Variants in FCN2 observed in about 807,000 individuals in gnomAD.
FCN2 encodes ficolin 2.
FCN2 carries 31 observed loss-of-function variants against 32.5 expected under a neutral mutation model. That is an observed-to-expected ratio of 0.96 (90% confidence interval 0.72 to 1.29). FCN2 has a LOEUF of 1.29. Among genes scored for constraint, FCN2 ranks in the 50% most tolerant of loss-of-function variants. FCN2 has a pLI of 0.00. For missense variants in FCN2, 412 were observed against 406.5 expected, an observed-to-expected ratio of 1.01 and a Z score of -0.12; for synonymous variants, 181 against 164.5, an observed-to-expected ratio of 1.10 and a Z score of -0.77.
Position 134,885,844 on chromosome 9 carries a change from G to A in FCN2, c.506G>A (p.Arg169Gln), listed in dbSNP as rs770609537. ...ACGTACAAGCAGGGCTTCGGCAGTC[G>A]GCTGGGGGAGTTCTGGCTGGGGAAT... The part of the protein sequence containing the change: ...WATYKQGFGS[R>Q]LGEFWLGNDN... Residue 169 changes from arginine to glutamine, a missense_variant, in exon 6 of 8, where the codon CGG becomes CAG. By Grantham distance (43) the Arg-to-Gln change is conservative. Transcript: ENST00000291744. 127 of 1,613,754 alleles carry A rather than the reference G, an allele frequency of 7.9e-5. No homozygotes were observed. Among genetic ancestry groups the A allele is most frequent in the Non-Finnish European group, 1.0e-4 (119 of 1,179,946 alleles).
the FCN2 span, chr9:134,868,259 C>T: frequency 6.6e-6 from 1 of 152,428 alleles, no homozygotes; most frequent in Non-Finnish European, 1.5e-5. The surrounding 1 kb of genome is among the most constrained non-coding windows in gnomAD (Gnocchi z 4.3). Context: ...ACAACTACCC[C>T]TTCTCCACCG....
chr9:134,887,303 G>A lies in FCN2; in HGVS notation c.830G>A (p.Gly277Asp), dbSNP rs755432063. The change falls in exon 8 of 8, where the codon GGT becomes GAT. Residue 277 changes from glycine (G) to aspartate (D), a missense_variant. Coordinates refer to ENST00000291744, the MANE Select transcript of FCN2 (RefSeq NM_004108.3). The stretch of plus-strand genomic sequence containing the variant: ...AACTGCCATGTGTCAAACCTGAATG[G>A]TCGCTACCTCAGGGGGACTCATGGC... ...YKNCHVSNLN[G>D]RYLRGTHGSF... 2 of 1,614,182 alleles carry A rather than the reference G, an allele frequency of 1.2e-6. No homozygotes were observed. The highest frequency in any genetic ancestry group is 1.7e-6 in the Non-Finnish European group (2 of 1,180,034).
chr9:134,873,543 G>A, the FCN2 span, among the ~76,000 whole-genome samples: 2 of 152,192 alleles, frequency 1.3e-5, no homozygotes, highest in South Asian at 4.1e-4. Context: ...ACTCAGAGAG[G>A]CCAGGATCAT....
the FCN2 span, among the ~76,000 whole-genome samples, chr9:134,872,726 C>G: frequency 6.6e-6 from 1 of 152,136 alleles, no homozygotes; most frequent in South Asian, 2.1e-4. Context: ...AAGACCCGCC[C>G]TCGTGATTCA....
intron 1 of FCN2, among the ~76,000 whole-genome samples, chr9:134,881,847 A>G (rs1339046395): frequency 6.6e-6 from 1 of 152,222 alleles, no homozygotes; most frequent in Non-Finnish European, 1.5e-5. Flanking sequence ...TGATCAAATA[A>G]TAGCACGTGT....
rs570138196 is a variant in FCN2 at position 134,887,459 on chromosome 9, T to TGG, written c.*44_*45insGG. On this transcript the variant is annotated 3_prime_UTR_variant, in exon 8 of 8. Coordinates refer to ENST00000291744, the MANE Select transcript of FCN2 (RefSeq NM_004108.3). ...TCAGGACGCCTCCACACATAGTTGG[T>TGG]TGGGGGGTAGGGTTGGGAGCTTGGC... 8.2e-6 allele frequency: 13 copies of TGG among 1,594,788 alleles called. No individual in the cohort carries two copies. Among genetic ancestry groups the TGG allele is most frequent in the South Asian group, 5.5e-5 (5 of 90,348 alleles).
At chr9:134,880,753 G>A (rs72551121), upstream of FCN2, 9,354 of 1,245,636 alleles carry the variant, frequency 7.5e-3, 54 homozygotes, top group Non-Finnish European at 9.7e-3. Context: ...AGAAATTGGA[G>A]TCTGAGGGAG....
chr9:134,869,024 C>T, the FCN2 span, among the ~76,000 whole-genome samples: 6 of 152,158 alleles, frequency 3.9e-5, no homozygotes, highest in Admixed American at 1.3e-4. Context: ...GGACGGAGAC[C>T]GTATGACTCG....
chr9:134,877,811 G>A (rs1564204585), upstream of FCN2, among the ~76,000 whole-genome samples: 2 of 152,182 alleles, frequency 1.3e-5, no homozygotes, highest in Non-Finnish European at 2.9e-5. Flanking sequence ...TAGCTTGTGT[G>A]GGAGGGAAAC....
chr9:134,882,115 C>A (rs996778827), intron 1 of FCN2, among the ~76,000 whole-genome samples: 1 of 152,158 alleles, frequency 6.6e-6, no homozygotes, highest in Non-Finnish European at 1.5e-5. Context: ...TGAGAACAGA[C>A]GAGATTAGGA....
the FCN2 span, among the ~76,000 whole-genome samples, chr9:134,872,488 G>C: frequency 2.6e-5 from 4 of 152,326 alleles, 1 homozygote; most frequent in South Asian, 8.3e-4. Flanking sequence ...GTATTAGCCC[G>C]TTCTCACACT....
At chr9:134,884,813 GC>G (rs1242208195) in intron 4 of FCN2, 41 bp downstream of exon 4, 1 of 1,602,316 alleles carries the variant, frequency 6.2e-7, no homozygotes, top group East Asian at 2.2e-5. Flanking sequence ...GCTTGTGGCT[GC>G]CCTTGGCTGG....
At chr9:134,865,967 C>T in the FCN2 span, among the ~76,000 whole-genome samples, 1 of 151,536 alleles carries the variant, frequency 6.6e-6, no homozygotes, top group Non-Finnish European at 1.5e-5. Flanking sequence ...AACTACAAAC[C>T]ACTGCTCAAG....
chr9:134,869,775 T>TGGG, the FCN2 span, among the ~76,000 whole-genome samples: 1 of 152,170 alleles, frequency 6.6e-6, no homozygotes, highest in Non-Finnish European at 1.5e-5. Context: ...GGAGAGGGTG[T>TGGG]GGGGAGCATG....
the FCN2 span, among the ~76,000 whole-genome samples, chr9:134,875,023 T>A: frequency 2.0e-5 from 3 of 152,208 alleles, no homozygotes; most frequent in Non-Finnish European, 1.5e-5. Flanking sequence ...AACAACGGAT[T>A]TTATATATTG....
At position 134,880,885 on chromosome 9, in the gene FCN2, A is replaced by G; in HGVS notation, c.64A>G (p.Met22Val). 1 of 1,613,424 alleles carries G rather than the reference A, an allele frequency of 6.2e-7. No homozygotes were observed. Among genetic ancestry groups the G allele is most frequent in the Non-Finnish European group, 8.5e-7 (1 of 1,179,892 alleles). ...CACCCTGCTGCTCTCTTTCCTGGGC[A>G]TGGCCTGGGCTCTCCAGGCGGCAGA... ...AATLLLSFLG[M>V]AWALQAADTC... is the part of the protein sequence containing the mutation. The change falls in exon 1 of 8, where the codon ATG becomes GTG. Residue 22 changes from methionine (M) to valine (V), a missense_variant. By Grantham distance (21) the Met-to-Val change is conservative (BLOSUM62 1). Coordinates refer to ENST00000291744, the MANE Select transcript of FCN2 (RefSeq NM_004108.3).
In FCN2 at chr9:134,882,696, G is replaced by A. The variant is rs535480111; in HGVS notation, c.214+57G>A. On this transcript the variant is annotated intron_variant, in intron 2 of 7. Transcript: ENST00000291744. ...CTTGCTCTTTTTGAAACCAGATGCT[G>A]AGTTGGGCAACACCCCCACCATGGT... 1.1e-5 allele frequency: 14 copies of A among 1,262,628 alleles called. No individual in the cohort carries two copies. The East Asian group carries it at 3.2e-4, about 29-fold the overall frequency. The allele number at this position is 1,262,628 out of a possible 1,614,324, so 78.2% of individuals were successfully genotyped here.
the FCN2 span, among the ~76,000 whole-genome samples, chr9:134,864,271 T>C: frequency 4.6e-5 from 7 of 152,230 alleles, no homozygotes; most frequent in Non-Finnish European, 8.8e-5. Flanking sequence ...TCAGGCAGTG[T>C]TCCCGCCAAG....
intron 2 of FCN2, among the ~76,000 whole-genome samples, chr9:134,883,020 G>T (rs12340783): frequency 1.3e-5 from 2 of 152,096 alleles, no homozygotes; most frequent in African/African-American, 4.8e-5. Flanking sequence ...CAGGGATTTC[G>T]CTCTGTTCTC....
Sources: gnomAD v4.1 joint callset for allele counts (sites outside exome capture counted in the v4.1 genomes callset) on GRCh38, gnomAD v4.1.1 for gene constraint, Gnocchi (gnomAD v3.1) non-coding constraint, MANE v1.5 for transcripts, NCBI Gene and HGNC (gene_info 2026-07-23, HGNC 2026-07-21) for gene names.